The following INHBC variants were observed in gnomAD, a reference collection of about 807,000 sequenced individuals.
INHBC encodes the protein inhibin subunit beta C, also known as inhibin beta C chain.
INHBC carries 10 observed loss-of-function variants against 12.4 expected under a neutral mutation model. That is an observed-to-expected ratio of 0.81 (90% CI 0.50 to 1.37). The LOEUF (loss-of-function observed/expected upper bound fraction) is 1.37. Ranked by LOEUF, INHBC falls within the 40% of genes most tolerant of loss-of-function variation. INHBC has a pLI of 0.00. For synonymous variants in INHBC, 147 were observed against 171.6 expected, an observed-to-expected ratio of 0.86 and a Z score of 1.12; for missense variants, 382 against 439.4, an observed-to-expected ratio of 0.87 and a Z score of 1.17.
rs367915811 is a variant in INHBC, at chr12:57,447,476, C to T, written c.314-1801C>T. Among the ~76,000 whole-genome samples the T allele has an allele frequency of 4.6e-5, 7 of 151,722 alleles. No homozygotes were observed. In the East Asian group the frequency reaches 7.8e-4, roughly 17 times the overall value. ...CTGGGATTACAGACGTGAGCCACCA[C>T]GCCTAGCTGATCATAGAGTTTTTAC... is the stretch of plus-strand genomic sequence containing the variant. On this transcript the variant is annotated intron_variant, in intron 1 of 1. Coordinates refer to ENST00000309668, the MANE Select transcript of INHBC (RefSeq NM_005538.4).
chr12:57,438,618 A>G (rs566438541), intron 1 of INHBC, among the ~76,000 whole-genome samples: 1 of 152,232 alleles, frequency 6.6e-6, no homozygotes, highest in South Asian at 2.1e-4. Flanking sequence ...CTAATGTCCC[A>G]TTGACAAAGC....
rs1870703544 is a variant in INHBC at position 57,451,120 on chromosome 12, T to C, written c.*1098T>C. 6.6e-6 allele frequency among the ~76,000 whole-genome samples: 1 copy of C among 152,232 alleles called. No individual in the cohort carries two copies. The highest frequency in any genetic ancestry group is 2.4e-5 in the African/African-American group (1 of 41,464). ...GAACTATTGTATCCATCTCACACTT[T>C]ATGCCTCTTCTTTCTTAGGCACCCC... On this transcript the variant is annotated 3_prime_UTR_variant, in exon 2 of 2. Coordinates refer to ENST00000309668, the MANE Select transcript of INHBC (RefSeq NM_005538.4).
At chr12:57,441,022 A>G (rs912982368) in intron 1 of INHBC, among the ~76,000 whole-genome samples, 1 of 152,172 alleles carries the variant, frequency 6.6e-6, no homozygotes, top group Non-Finnish European at 1.5e-5. Context: ...ACCCTGGTCA[A>G]TATAGCAAGA....
chr12:57,435,107 C>G lies in INHBC; in HGVS notation c.221C>G (p.Thr74Ser), dbSNP rs755785807. The change falls in exon 1 of 2, where the codon ACT becomes AGT. Residue 74 changes from threonine (T) to serine (S), a missense_variant. Transcript: ENST00000309668. The part of the protein sequence containing the change: ...NRPVSRAALR[T>S]ALQHLHGVPQ... ...CCTGTGTCCAGAGCTGCTTTGAGGACTGCACTGCAGCACCTCCACGGGGTC... is the reference window on the plus strand; with the variant it reads ...CCTGTGTCCAGAGCTGCTTTGAGGAGTGCACTGCAGCACCTCCACGGGGTC... 12 of 1,614,216 alleles carry G rather than the reference C, an allele frequency of 7.4e-6. No homozygotes were observed. The highest frequency in any genetic ancestry group is 1.0e-5 in the Non-Finnish European group (12 of 1,180,042).
chr12:57,440,281 A>C (rs1008880053), intron 1 of INHBC, among the ~76,000 whole-genome samples: 2 of 151,114 alleles, frequency 1.3e-5, no homozygotes, highest in Admixed American at 6.6e-5. Flanking sequence ...TAATTTAGCA[A>C]GTCCTTTTAG....
Position 57,449,503 on chromosome 12 carries a change from C to G in INHBC, c.540C>G (p.Leu180=), listed in dbSNP as rs780287902. The change falls in exon 2 of 2, where the codon CTC becomes CTG. Residue 180 remains leucine, a synonymous_variant. Transcript: ENST00000309668. ...LEVDASGWHQ[L]PLGPEAQAAC... ...TGGATGCCAGTGGCTGGCATCAACT[C>G]CCCCTAGGGCCTGAAGCTCAAGCTG... 6.2e-6 allele frequency: 10 copies of G among 1,614,134 alleles called. No individual in the cohort carries two copies. The South Asian group carries it at 1.1e-4, about 18-fold the overall frequency.
At chr12:57,442,458 A>G (rs999854701) in intron 1 of INHBC, among the ~76,000 whole-genome samples, 1 of 152,198 alleles carries the variant, frequency 6.6e-6, no homozygotes, top group Non-Finnish European at 1.5e-5. Flanking sequence ...CAAGGAAAAG[A>G]TTAGTTGGGC....
rs1336503853 is a variant in INHBC, at chr12:57,450,544, C to T, written c.*522C>T. The T allele has an allele frequency of 6.6e-6, 1 of 152,420 alleles. No individual in the cohort carries two copies. The highest frequency in any genetic ancestry group is 1.5e-5 in the Non-Finnish European group (1 of 68,226). 9.4% of individuals were successfully genotyped at this position (152,420 alleles called of 1,614,324 possible). A position where few individuals can be genotyped will look rare whatever the true frequency, so the allele number is the denominator to read the frequency against. ...CCTACCCCCCTCTTTGTTGTGAGCC[C>T]CTGTCCTTCTTAGTTGTCCAGGTGA... On this transcript the variant is annotated 3_prime_UTR_variant, in exon 2 of 2. Transcript: ENST00000309668.
chr12:57,443,264 C>T (rs368199109), intron 1 of INHBC, among the ~76,000 whole-genome samples: 27 of 150,206 alleles, frequency 1.8e-4, no homozygotes, highest in South Asian at 1.3e-3. Context: ...ACTACAGGGG[C>T]GTGCCACCAT....
chr12:57,448,567 TAAAAAAAAAA>T (rs10577805), intron 1 of INHBC, among the ~76,000 whole-genome samples: 1 of 121,614 alleles, frequency 8.2e-6, no homozygotes, highest in Non-Finnish European at 1.7e-5. Flanking sequence ...AGACTCCGTC[TAAAAAAAAAA>T]AAAAAAAAAA....
intron 1 of INHBC, among the ~76,000 whole-genome samples, chr12:57,444,668 A>G (rs1870538718): frequency 6.6e-6 from 1 of 151,494 alleles, no homozygotes; most frequent in Admixed American, 6.6e-5. Context: ...ATTTTATTTT[A>G]TTACGTTTTA....
intron 1 of INHBC, among the ~76,000 whole-genome samples, chr12:57,447,035 A>T (rs1870593157): frequency 2.0e-5 from 3 of 152,204 alleles, no homozygotes. Context: ...TGGAGGGAAT[A>T]GAAACCCAAC....
chr12:57,443,711 C>A (rs557944446), intron 1 of INHBC, among the ~76,000 whole-genome samples: 2 of 152,270 alleles, frequency 1.3e-5, no homozygotes, highest in Non-Finnish European at 2.9e-5. Flanking sequence ...ATTTTATGAT[C>A]CATCCATGTT....
Position 57,449,341 on chromosome 12 carries a change from CAG to C in INHBC, c.379_380del (p.Arg127GlyfsTer32), listed in dbSNP as rs776394913. The stretch of plus-strand genomic sequence containing the variant: ...TCTCCTCTGATAGAACTGCTGGTGA[CAG>C]GGAGGTCCAGCAGGCCAGTCTCATG... The part of the protein sequence containing the change: ...HFSSDRTAGD[R>X]EVQQASLMFF... On this transcript the variant is annotated frameshift_variant, in exon 2 of 2. Coordinates refer to ENST00000309668, the MANE Select transcript of INHBC (RefSeq NM_005538.4). LOFTEE classifies it low-confidence loss of function (END_TRUNC). The C allele has an allele frequency of 1.2e-6, 2 of 1,614,146 alleles. No individual in the cohort carries two copies. The highest frequency in any genetic ancestry group is 8.5e-7 in the Non-Finnish European group (1 of 1,179,978).
At chr12:57,447,597 T>G (rs556801879) in intron 1 of INHBC, among the ~76,000 whole-genome samples, 225 of 149,998 alleles carry the variant, frequency 1.5e-3, no homozygotes, top group African/African-American at 5.3e-3. Context: ...TTAAAAAAAA[T>G]ATATAGGCCA....
chr12:57,441,974 C>T (rs901101753), intron 1 of INHBC, among the ~76,000 whole-genome samples: 6 of 152,162 alleles, frequency 3.9e-5, no homozygotes, highest in African/African-American at 1.4e-4. Context: ...AGCCATTGCC[C>T]CCAGCCACTC....
rs1594724615 is a variant in INHBC at position 57,434,834 on chromosome 12, G to T, written c.-53G>T. ...CCAGGACAGAGTTGAGACCACAGCT[G>T]TTGAGACCCTGAGCCCTGAGTCTGT... On this transcript the variant is annotated 5_prime_UTR_variant, in exon 1 of 2. Coordinates refer to ENST00000309668, the MANE Select transcript of INHBC (RefSeq NM_005538.4). The T allele has an allele frequency of 6.5e-7, 1 of 1,527,824 alleles. No individual in the cohort carries two copies. Among genetic ancestry groups the T allele is most frequent in the South Asian group, 1.2e-5 (1 of 80,798 alleles). The allele number at this position is 1,527,824 out of a possible 1,614,324, so 94.6% of individuals were successfully genotyped here.
At chr12:57,443,607 A>T (rs988509344) in intron 1 of INHBC, among the ~76,000 whole-genome samples, 2 of 152,076 alleles carry the variant, frequency 1.3e-5, no homozygotes, top group Non-Finnish European at 2.9e-5. Context: ...TTCACTTAAA[A>T]AAAAAAATGG....
rs994881243 is a variant in INHBC at position 57,451,029 on chromosome 12, A to G, written c.*1007A>G. On this transcript the variant is annotated 3_prime_UTR_variant, in exon 2 of 2. Coordinates refer to ENST00000309668, the MANE Select transcript of INHBC (RefSeq NM_005538.4). ...CCCTAACTGGCACCCCAGATGACAC[A>G]GAGCCTGCCTGCTTATGCTGTAGTC... 1.3e-5 allele frequency among the ~76,000 whole-genome samples: 2 copies of G among 152,196 alleles called. No homozygotes were observed. The highest frequency in any genetic ancestry group is 3.8e-4 in the East Asian group (2 of 5,200).
Sources: gnomAD v4.1 joint callset for allele counts (sites outside exome capture counted in the v4.1 genomes callset) on GRCh38, gnomAD v4.1.1 for gene constraint, MANE v1.5 for transcripts, NCBI Gene and HGNC (gene_info 2026-07-23, HGNC 2026-07-21) for gene names.